KIAA1549L: variants seen among roughly 807,000 people sequenced by gnomAD.
KIAA1549L encodes the protein KIAA1549 like, also known as UPF0606 protein KIAA1549L.
KIAA1549L carries 88 observed loss-of-function variants against 160.7 expected under a neutral mutation model. The observed-to-expected ratio is 0.55, with a 90% CI of 0.46 to 0.65. The LOEUF is 0.65. KIAA1549L is among the 30% of genes least tolerant of loss of function. The pLI is 0.00. For missense variants in KIAA1549L, 2,258 were observed against 2,437.5 expected (o/e 0.93, Z 1.55); for synonymous variants, 950 against 976.7 (o/e 0.97, Z 0.51).
At chr11:33,628,920 G>A (rs1288998470) in intron 16 of KIAA1549L, among the ~76,000 whole-genome samples, 235 of 151,740 alleles carry the variant, frequency 1.5e-3, no homozygotes, top group Non-Finnish European at 2.7e-3. Flanking sequence ...GCATCGGCTG[G>A]TACCGGTTGT....
intron 16 of KIAA1549L, among the ~76,000 whole-genome samples, chr11:33,643,987 T>C (rs765376268): frequency 2.0e-5 from 3 of 152,192 alleles, no homozygotes; most frequent in Non-Finnish European, 4.4e-5. Context: ...AGCCCCAATA[T>C]GTCCCCCAGC....
chr11:33,504,964 G>A lies in KIAA1549L; in HGVS notation c.239-36838G>A, dbSNP rs929001402. The stretch of plus-strand genomic sequence containing the variant: ...GTATTTTTTGTAGAGACAGGGTTTT[G>A]CCATGTTGCCCAAGCTGGTCTCAAA... On this transcript the variant is annotated intron_variant, in intron 1 of 20. Transcript: ENST00000658780. Among the ~76,000 whole-genome samples, 9 of 152,020 alleles carry A rather than the reference G, an allele frequency of 5.9e-5. 1 individual carries two copies. The highest frequency in any genetic ancestry group is 2.2e-4 in the African/African-American group (9 of 41,464).
At chr11:33,418,866 C>T (rs1252360884) in intron 1 of KIAA1549L, among the ~76,000 whole-genome samples, 1 of 149,032 alleles carries the variant, frequency 6.7e-6, no homozygotes, top group Non-Finnish European at 1.5e-5. Flanking sequence ...CCCTTTATGT[C>T]AGTATGTTGC....
intron 1 of KIAA1549L, among the ~76,000 whole-genome samples, chr11:33,459,878 G>T (rs991844794): frequency 2.0e-5 from 3 of 146,676 alleles, no homozygotes; most frequent in Non-Finnish European, 3.0e-5. Flanking sequence ...GGAGAATGGC[G>T]TGAACCCGGG....
At position 33,541,282 on chromosome 11, in the gene KIAA1549L, C is replaced by T. The variant is rs147145083; in HGVS notation, c.239-520C>T. Among the ~76,000 whole-genome samples the T allele has an allele frequency of 1.6e-3, 250 of 152,324 alleles. 1 individual carries two copies. Among genetic ancestry groups the T allele is most frequent in the Middle Eastern group, 3.4e-3 (1 of 294 alleles). ...ATTTGACATGGCATGAATGATAGCACCTGGAATCCTTTTAAATCCAGGAAG... is the reference window on the plus strand; with the variant it reads ...ATTTGACATGGCATGAATGATAGCATCTGGAATCCTTTTAAATCCAGGAAG... On this transcript the variant is annotated intron_variant, in intron 1 of 20. Coordinates refer to ENST00000658780, the MANE Select transcript of KIAA1549L (RefSeq NM_012194.3).
chr11:33,564,921 C>T (rs1208270237), intron 8 of KIAA1549L, among the ~76,000 whole-genome samples: 1 of 152,122 alleles, frequency 6.6e-6, no homozygotes, highest in Non-Finnish European at 1.5e-5. Context: ...ATTGTAGAGC[C>T]CAGTATGATT....
intron 1 of KIAA1549L, among the ~76,000 whole-genome samples, chr11:33,418,190 G>C (rs1436601606): frequency 6.6e-6 from 1 of 152,190 alleles, no homozygotes; most frequent in Non-Finnish European, 1.5e-5. Flanking sequence ...AATGAGGGCA[G>C]GGTCTTAATT....
chr11:33,465,972 A>G (rs959950873), intron 1 of KIAA1549L, among the ~76,000 whole-genome samples: 1 of 152,252 alleles, frequency 6.6e-6, no homozygotes, highest in East Asian at 1.9e-4. Context: ...AGCAATGGCA[A>G]CAAAGCCAAA....
chr11:33,478,275 G>GAA (rs1565152619), intron 1 of KIAA1549L, among the ~76,000 whole-genome samples: 1 of 151,966 alleles, frequency 6.6e-6, no homozygotes, highest in Admixed American at 6.5e-5. Flanking sequence ...AACTCACAGA[G>GAA]GCAAGTTTTG....
intron 8 of KIAA1549L, 30 bp from the exon 9 acceptor site, chr11:33,568,046 G>A: frequency 6.4e-7 from 1 of 1,569,892 alleles, no homozygotes; most frequent in South Asian, 1.2e-5. Context: ...TCTGCCTTCT[G>A]AGCCTCTGCT....
At chr11:33,508,585 C>G (rs1853148170) in intron 1 of KIAA1549L, among the ~76,000 whole-genome samples, 1 of 152,342 alleles carries the variant, frequency 6.6e-6, no homozygotes, top group East Asian at 1.9e-4. Flanking sequence ...CTACCCCAGG[C>G]TTTGGGCAAT....
intron 13 of KIAA1549L, among the ~76,000 whole-genome samples, chr11:33,600,984 C>T (rs1850344767): frequency 6.6e-6 from 1 of 152,110 alleles, no homozygotes; most frequent in African/African-American, 2.4e-5. Context: ...GATGTCCCTG[C>T]TGACCTTGCC....
At chr11:33,521,127 C>T (rs1230534830) in intron 1 of KIAA1549L, among the ~76,000 whole-genome samples, 1 of 152,108 alleles carries the variant, frequency 6.6e-6, no homozygotes, top group Non-Finnish European at 1.5e-5. Flanking sequence ...ACTATGATCT[C>T]GCCACTGCAC....
At chr11:33,561,374 C>G (rs1854854190) in intron 7 of KIAA1549L, among the ~76,000 whole-genome samples, 1 of 152,162 alleles carries the variant, frequency 6.6e-6, no homozygotes, top group South Asian at 2.1e-4. Flanking sequence ...GTTTTCTGAA[C>G]AGTGAGATAG....
intron 1 of KIAA1549L, among the ~76,000 whole-genome samples, chr11:33,428,230 A>G (rs1240962148): frequency 6.6e-6 from 1 of 152,194 alleles, no homozygotes; most frequent in Non-Finnish European, 1.5e-5. Flanking sequence ...GCCAGTTTAC[A>G]TTACCACCGG....
chr11:33,475,982 C>T, intron 1 of KIAA1549L, among the ~76,000 whole-genome samples: 1 of 152,156 alleles, frequency 6.6e-6, no homozygotes, highest in South Asian at 2.1e-4. Context: ...TTCAGTAAAC[C>T]CTCACATGTG....
Position 33,542,753 on chromosome 11 carries a change from T to A in KIAA1549L, c.1190T>A (p.Val397Glu). 2 of 1,613,718 alleles carry A rather than the reference T, an allele frequency of 1.2e-6. No individual in the cohort carries two copies. Among genetic ancestry groups the A allele is most frequent in the Non-Finnish European group, 1.7e-6 (2 of 1,179,822 alleles). Reference protein sequence around the residue: ...QQIKAGVPGRVHNGVSLPTFK... With the variant: ...QQIKAGVPGREHNGVSLPTFK... ...ATCAAAGCTGGGGTGCCTGGAAGAG[T>A]GCACAATGGGGTGTCTTTGCCAACT... Residue 397 changes from valine (V) to glutamate (E), a missense_variant, in exon 2 of 21, where the codon GTG becomes GAG. Val to Glu is a moderately radical substitution (Grantham distance 121). Transcript: ENST00000658780.
At chr11:33,532,406 C>T (rs1025074806) in intron 1 of KIAA1549L, among the ~76,000 whole-genome samples, 3 of 152,308 alleles carry the variant, frequency 2.0e-5, no homozygotes, top group East Asian at 3.9e-4. Flanking sequence ...ATAACAGCAA[C>T]AGTAGTAACA....
Position 33,393,578 on chromosome 11 carries a change from T to C in KIAA1549L, c.238+16689T>C, listed in dbSNP as rs76556747. Among the ~76,000 whole-genome samples, 537 of 152,334 alleles carry C rather than the reference T, an allele frequency of 3.5e-3. 1 individual carries two copies. The highest frequency in any genetic ancestry group is 0.012 in the African/African-American group (511 of 41,586). The stretch of plus-strand genomic sequence containing the variant: ...TAGAAGAAACAATGAGCTAAGTACC[T>C]AGTGGGACAACTTGCTTAGAGAAAG... On this transcript the variant is annotated intron_variant, in intron 1 of 20. Transcript: ENST00000658780.
Sources: allele counts gnomAD v4.1 joint callset (sites outside exome capture counted in the v4.1 genomes callset), GRCh38; gene constraint gnomAD v4.1.1; transcripts MANE v1.5; gene names NCBI Gene and HGNC (gene_info 2026-07-23, HGNC 2026-07-21).